The following LARP4 variants were observed in gnomAD, a reference collection of about 807,000 sequenced individuals.
LARP4 encodes la-related protein 4.
In LARP4, 29 loss-of-function variants were observed where a neutral mutation model predicts 92.9. The ratio of observed to expected loss-of-function variants is 0.31; its 90% CI spans 0.23 to 0.43. LARP4 has a LOEUF of 0.43. Ranked by LOEUF, LARP4 falls within the 20% of genes least tolerant of loss-of-function variation. The pLI is 1.00. For missense variants in LARP4, 732 were observed against 860.0 expected (o/e 0.85, Z 1.86); for synonymous variants, 279 against 284.1 (o/e 0.98, Z 0.18).
chr12:50,428,994 T>C lies in LARP4; in HGVS notation c.226T>C (p.Cys76Arg). The change falls in exon 3 of 16, where the codon TGT becomes CGT. Residue 76 changes from cysteine (C) to arginine (R), a missense_variant. Cys to Arg is a radical substitution (Grantham distance 180). Transcript: ENST00000398473. Reference sequence around the variant, plus strand: ...ATATGAAGTAATGTATTCTTCATCTTGTGAAACCACAAGAAATACTACAGG... The same window carrying C: ...ATATGAAGTAATGTATTCTTCATCTCGTGAAACCACAAGAAATACTACAGG... ...KEYEVMYSSS[C>R]ETTRNTTGIE... 6.2e-7 allele frequency: 1 copy of C among 1,610,188 alleles called. No homozygotes were observed. The highest frequency in any genetic ancestry group is 8.5e-7 in the Non-Finnish European group (1 of 1,177,062).
rs1401817671 is a variant in LARP4 at position 50,419,191 on chromosome 12, T to C, written c.19-8571T>C. Among the ~76,000 whole-genome samples the C allele has an allele frequency of 2.0e-5, 3 of 151,724 alleles. No homozygotes were observed. The East Asian group carries it at 5.8e-4, about 29-fold the overall frequency. Reference sequence around the variant, plus strand: ...GCCTAGGCAACATGGCAAAATCCCATCTCTGTAAAAAATACAAAAAAAATC... The same window carrying C: ...GCCTAGGCAACATGGCAAAATCCCACCTCTGTAAAAAATACAAAAAAAATC... On this transcript the variant is annotated intron_variant, in intron 1 of 15. Transcript: ENST00000398473.
chr12:50,441,960 G>T (rs1324779343), intron 8 of LARP4, among the ~76,000 whole-genome samples: 1 of 152,212 alleles, frequency 6.6e-6, no homozygotes, highest in East Asian at 1.9e-4. Flanking sequence ...TGAGGCAGGA[G>T]AACTGCTTTA....
intron 1 of LARP4, among the ~76,000 whole-genome samples, chr12:50,410,556 C>A (rs1279138795): frequency 6.6e-6 from 1 of 151,920 alleles, no homozygotes; most frequent in African/African-American, 2.4e-5. Context: ...CAGGCGCCCA[C>A]CACCACGCCT....
At chr12:50,431,809 G>T (rs1949699029) in intron 4 of LARP4, among the ~76,000 whole-genome samples, 1 of 152,128 alleles carries the variant, frequency 6.6e-6, no homozygotes, top group Non-Finnish European at 1.5e-5. Context: ...TTATTCCTGG[G>T]CTCCAGCCTG....
At chr12:50,421,597 A>G (rs895231395) in intron 1 of LARP4, among the ~76,000 whole-genome samples, 1 of 151,990 alleles carries the variant, frequency 6.6e-6, no homozygotes, top group African/African-American at 2.4e-5. Context: ...GTGAGCCAAG[A>G]TCTTGCCACT....
At chr12:50,449,726 T>C (rs902723426) in intron 8 of LARP4, among the ~76,000 whole-genome samples, 1 of 152,182 alleles carries the variant, frequency 6.6e-6, no homozygotes, top group South Asian at 2.1e-4. Context: ...TACCCTGAGT[T>C]ACAGGTTCTA....
At chr12:50,470,239 C>A (rs970382347) in intron 13 of LARP4, among the ~76,000 whole-genome samples, 1 of 151,552 alleles carries the variant, frequency 6.6e-6, no homozygotes, top group Non-Finnish European at 1.5e-5. Flanking sequence ...AAAAGACTAT[C>A]TTTAATCAGA....
intron 1 of LARP4, among the ~76,000 whole-genome samples, chr12:50,426,708 T>G (rs1016039748): frequency 3.6e-5 from 5 of 140,414 alleles, no homozygotes; most frequent in African/African-American, 1.4e-4. Flanking sequence ...TGTGTGTGTG[T>G]GTGTGTGTGT....
At chr12:50,426,713 GT>G (rs1565986765) in intron 1 of LARP4, among the ~76,000 whole-genome samples, 10 of 136,744 alleles carry the variant, frequency 7.3e-5, no homozygotes, top group Admixed American at 2.9e-4. Context: ...GTGTGTGTGT[GT>G]GTGTGTGTGT....
rs1202536560 is a variant in LARP4 at position 50,477,671 on chromosome 12, C to T, written c.*1807C>T. ...TGACTTATTATTAGCTTGGCAGTTG[C>T]TTTTGATTTGATTGTTTTATGACAT... On this transcript the variant is annotated 3_prime_UTR_variant, in exon 16 of 16. Transcript: ENST00000398473. 1.3e-5 allele frequency: 2 copies of T among 152,374 alleles called. No homozygotes were observed. The highest frequency in any genetic ancestry group is 2.9e-5 in the Non-Finnish European group (2 of 67,900). 9.4% of individuals were successfully genotyped at this position (152,374 alleles called of 1,614,324 possible).
At chr12:50,441,734 A>G (rs1045077195) in intron 8 of LARP4, 91 bp downstream of exon 8, 7 of 1,068,434 alleles carry the variant, frequency 6.6e-6, no homozygotes, top group Non-Finnish European at 9.6e-6. Flanking sequence ...TTTTATAAAA[A>G]CCCATAGTGA....
Position 50,437,807 on chromosome 12 carries a change from T to C in LARP4, c.608T>C (p.Leu203Pro). 6.2e-7 allele frequency: 1 copy of C among 1,606,100 alleles called. No individual in the cohort carries two copies. Among genetic ancestry groups the C allele is most frequent in the Non-Finnish European group, 8.5e-7 (1 of 1,173,136 alleles). Reference protein sequence around the residue: ...RPSHKRCIVILREIPETTPIE... With the variant: ...RPSHKRCIVIPREIPETTPIE... Reference sequence around the variant, plus strand: ...AGTCATAAGCGTTGTATTGTAATTCTTAGAGAGATTCCTGAAACAACACCA... The same window carrying C: ...AGTCATAAGCGTTGTATTGTAATTCCTAGAGAGATTCCTGAAACAACACCA... Residue 203 changes from leucine to proline, a missense_variant, in exon 6 of 16, where the codon CTT (leucine) becomes CCT (proline). Around this residue, in one of 7 missense-constraint regions of LARP4, gnomAD observed 236 missense variants for 307.6 expected, o/e 0.77. Coordinates refer to ENST00000398473, the MANE Select transcript of LARP4 (RefSeq NM_052879.5).
chr12:50,467,275 T>A lies in LARP4; in HGVS notation c.1545+155T>A, dbSNP rs1437113410. Among the ~76,000 whole-genome samples the A allele has an allele frequency of 2.0e-5, 3 of 152,174 alleles. No homozygotes were observed. In the East Asian group the frequency reaches 5.8e-4, roughly 29 times the overall value. On this transcript the variant is annotated intron_variant, in intron 13 of 15. Transcript: ENST00000398473. ...CATACTTAGAGTGTTTTTTTAAAGA[T>A]TCATGATGAAGCTGCACAAAGGCAA...
chr12:50,473,141 G>A (rs1419997253), intron 13 of LARP4, among the ~76,000 whole-genome samples: 1 of 152,068 alleles, frequency 6.6e-6, no homozygotes, highest in Non-Finnish European at 1.5e-5. Context: ...TTAAGGAACT[G>A]CTACATTGCT....
At chr12:50,426,653 A>ACC (rs1948744059) in intron 1 of LARP4, among the ~76,000 whole-genome samples, 2 of 147,524 alleles carry the variant, frequency 1.4e-5, no homozygotes, top group African/African-American at 5.0e-5. Context: ...ATATGAATGA[A>ACC]CCTAGGCATG....
chr12:50,429,000 A>T lies in LARP4; in HGVS notation c.232A>T (p.Thr78Ser). Residue 78 changes from threonine (T) to serine (S), a missense_variant, in exon 3 of 16, where the codon ACC (threonine) becomes TCC (serine). Physicochemically the swap from Thr to Ser is moderately conservative, Grantham distance 58 (BLOSUM62 1). Around this residue, in one of 7 missense-constraint regions of LARP4, gnomAD observed 236 missense variants for 307.6 expected, o/e 0.77. Coordinates refer to ENST00000398473, the MANE Select transcript of LARP4 (RefSeq NM_052879.5). ...AGTAATGTATTCTTCATCTTGTGAA[A>T]CCACAAGAAATACTACAGGCATTGA... ...YEVMYSSSCE[T>S]TRNTTGIEES... 1 of 1,606,676 alleles carries T rather than the reference A, an allele frequency of 6.2e-7. No individual in the cohort carries two copies. The highest frequency in any genetic ancestry group is 1.7e-4 in the Middle Eastern group (1 of 6,046).
At chr12:50,463,432 A>C (rs1037916818) in intron 12 of LARP4, among the ~76,000 whole-genome samples, 105 of 149,510 alleles carry the variant, frequency 7.0e-4, no homozygotes, top group African/African-American at 2.3e-3. Flanking sequence ...AAAAAAAAAA[A>C]AAAAAAAAAA....
chr12:50,473,986 C>G lies in LARP4; in HGVS notation c.1668-13C>G. ...GCTATTCTGAGTCTAATTGCAAGCT[C>G]TTTTTTCCTTAGCACAACTCAGCAA... On this transcript the variant is annotated splice_polypyrimidine_tract_variant and intron_variant, in intron 14 of 15. Coordinates refer to ENST00000398473, the MANE Select transcript of LARP4 (RefSeq NM_052879.5). 1 of 1,607,638 alleles carries G rather than the reference C, an allele frequency of 6.2e-7. No homozygotes were observed. The highest frequency in any genetic ancestry group is 8.5e-7 in the Non-Finnish European group (1 of 1,178,304).
Position 50,472,920 on chromosome 12 carries a change from G to C in LARP4, c.1546-495G>C, listed in dbSNP as rs952909474. On this transcript the variant is annotated intron_variant, in intron 13 of 15. Transcript: ENST00000398473. Reference sequence around the variant, plus strand: ...CTGCAACCTCCGCCTCCCAGGTCCTGGTTCAAGCAATTCTGCCTCAGCCTC... The same window carrying C: ...CTGCAACCTCCGCCTCCCAGGTCCTCGTTCAAGCAATTCTGCCTCAGCCTC... Among the ~76,000 whole-genome samples, 5 of 151,750 alleles carry C rather than the reference G, an allele frequency of 3.3e-5. No individual in the cohort carries two copies. The East Asian group carries it at 9.7e-4, about 29-fold the overall frequency.
Sources: allele counts gnomAD v4.1 joint callset (sites outside exome capture counted in the v4.1 genomes callset), GRCh38; gene constraint gnomAD v4.1.1; regional missense constraint gnomAD v4.1.1; transcripts MANE v1.5; gene names NCBI Gene and HGNC (gene_info 2026-07-23, HGNC 2026-07-21).